The following CSGALNACT1 variants were observed in gnomAD, a reference collection of about 807,000 sequenced individuals.
CSGALNACT1 encodes the protein chondroitin sulfate N-acetylgalactosaminyltransferase 1, also known as beta4GalNAcT-1.
A neutral mutation model predicts 51.0 loss-of-function variants in CSGALNACT1; 52 were observed. The observed-to-expected ratio is 1.02, with a 90% confidence interval of 0.82 to 1.29. The LOEUF (loss-of-function observed/expected upper bound fraction) is 1.29, where lower values mean the gene tolerates loss of function less well. CSGALNACT1 is among the 50% of genes most tolerant of loss of function. CSGALNACT1 has a pLI of 0.00. For missense variants in CSGALNACT1, 935 were observed against 679.2 expected (o/e 1.38, Z -4.19); for synonymous variants, 341 against 254.4 (o/e 1.34, Z -3.24).
At chr8:19,711,508 A>G (rs915776913) in intron 1 of CSGALNACT1, among the ~76,000 whole-genome samples, 1 of 152,244 alleles carries the variant, frequency 6.6e-6, no homozygotes, top group Non-Finnish European at 1.5e-5. Flanking sequence ...AACATGGCAA[A>G]TAAAGCAAAC....
chr8:19,531,566 G>C (rs2082768264), intron 3 of CSGALNACT1, among the ~76,000 whole-genome samples: 1 of 152,142 alleles, frequency 6.6e-6, no homozygotes, highest in Non-Finnish European at 1.5e-5. Context: ...AAGTAACCTT[G>C]GCAAATCACT....
At chr8:19,514,506 T>TATATATATATATAC (rs2079117012) in intron 3 of CSGALNACT1, among the ~76,000 whole-genome samples, 2 of 138,342 alleles carry the variant, frequency 1.4e-5, no homozygotes, top group South Asian at 4.5e-4. Flanking sequence ...TATATATATA[T>TATATATATATATAC]ATATACATGT....
chr8:19,637,401 T>C (rs2056215759), intron 1 of CSGALNACT1, among the ~76,000 whole-genome samples: 1 of 152,230 alleles, frequency 6.6e-6, no homozygotes, highest in African/African-American at 2.4e-5. Flanking sequence ...GGAAGATTTT[T>C]ATTTTACTGT....
chr8:19,483,520 T>C (rs2072025773), intron 4 of CSGALNACT1, among the ~76,000 whole-genome samples: 1 of 152,236 alleles, frequency 6.6e-6, no homozygotes, highest in Non-Finnish European at 1.5e-5. Context: ...ATCCCCAGTC[T>C]ACTTTTGCTC....
upstream of CSGALNACT1, among the ~76,000 whole-genome samples, chr8:19,603,243 A>C (rs149299219): frequency 6.6e-6 from 1 of 152,178 alleles, no homozygotes. Context: ...GATGGCCTCC[A>C]AACACCTCTC....
intron 1 of CSGALNACT1, among the ~76,000 whole-genome samples, chr8:19,647,426 T>C (rs1185643475): frequency 6.6e-6 from 1 of 152,126 alleles, no homozygotes; most frequent in Non-Finnish European, 1.5e-5. Flanking sequence ...CAAAAAATAT[T>C]TAAGCAAATA....
chr8:19,489,815 T>G (rs2073952449), intron 4 of CSGALNACT1, among the ~76,000 whole-genome samples: 1 of 152,186 alleles, frequency 6.6e-6, no homozygotes, highest in Non-Finnish European at 1.5e-5. Context: ...AAATCTCTCC[T>G]TCAACTTTCT....
intron 3 of CSGALNACT1, among the ~76,000 whole-genome samples, chr8:19,517,647 G>A (rs1341927967): frequency 1.3e-5 from 2 of 152,076 alleles, no homozygotes; most frequent in African/African-American, 2.4e-5. Context: ...ATGGCAGAAG[G>A]GGAACAGTTC....
At position 19,505,569 on chromosome 8, in the gene CSGALNACT1, C is replaced by G. The variant is rs910630650; in HGVS notation, c.266G>C (p.Arg89Thr). 6 of 1,614,002 alleles carry G rather than the reference C, an allele frequency of 3.7e-6. No homozygotes were observed. The African/African-American group carries it at 6.7e-5, about 18-fold the overall frequency. The stretch of plus-strand genomic sequence containing the variant: ...CTGCCCATTCCTGAGCTGCTCACTC[C>G]TCTCCTGCAGCTCCTCCTTGAGCTG... Residue 89 changes from arginine to threonine, a missense_variant, in exon 4 of 10, where the codon AGG (arginine) becomes ACG (threonine). Physicochemically the swap from Arg to Thr is moderately conservative, Grantham distance 71 (BLOSUM62 -1). Coordinates refer to ENST00000454498, the Ensembl canonical transcript of CSGALNACT1.
At position 19,693,612 on chromosome 8, in the gene CSGALNACT1, T is replaced by C. The variant is rs558581747; in HGVS notation, c.-297+64238A>G. On this transcript the variant is annotated intron_variant, in intron 1 of 1. Transcript: ENST00000517494. ...ACTCAGCTCCCTATCCAAGATTTTC[T>C]CTGGACCTGTCTACAGGGAGCCCCT... Among the ~76,000 whole-genome samples the C allele has an allele frequency of 3.3e-5, 5 of 152,270 alleles. No homozygotes were observed. In the East Asian group the frequency reaches 9.7e-4, roughly 29 times the overall value.
chr8:19,465,811 G>A (rs183797401), intron 4 of CSGALNACT1, among the ~76,000 whole-genome samples: 1 of 152,038 alleles, frequency 6.6e-6, no homozygotes, highest in Non-Finnish European at 1.5e-5. Context: ...GATGTGATAC[G>A]CTTGTGTTAG....
intron 3 of CSGALNACT1, among the ~76,000 whole-genome samples, chr8:19,584,226 C>T (rs1048843696): frequency 6.6e-6 from 1 of 152,208 alleles, no homozygotes; most frequent in Non-Finnish European, 1.5e-5. Flanking sequence ...CCAGAGCTAA[C>T]ATTTGAGAAA....
chr8:19,408,739 C>G (rs763492588), intron 8 of CSGALNACT1, 45 bp from the exon 8 acceptor site: 9 of 1,569,522 alleles, frequency 5.7e-6, no homozygotes, highest in Middle Eastern at 1.7e-4. Flanking sequence ...TTAGGGTGGA[C>G]AAAAATAGAG....
chr8:19,457,184 T>C (rs1029874796), intron 5 of CSGALNACT1, among the ~76,000 whole-genome samples: 1 of 152,214 alleles, frequency 6.6e-6, no homozygotes, highest in Admixed American at 6.5e-5. Context: ...TTGATTCTAA[T>C]CTTCAAAAAA....
chr8:19,561,919 C>G (rs921507386), intron 3 of CSGALNACT1, among the ~76,000 whole-genome samples: 1 of 151,920 alleles, frequency 6.6e-6, no homozygotes. Context: ...ATTGCTATTT[C>G]AGCATGCGGC....
intron 1 of CSGALNACT1, among the ~76,000 whole-genome samples, chr8:19,756,764 T>C (rs2065411549): frequency 6.6e-6 from 1 of 151,980 alleles, no homozygotes; most frequent in Non-Finnish European, 1.5e-5. Context: ...GCCACAATAA[T>C]ACAATAACCG....
chr8:19,533,497 A>G (rs941270373), intron 3 of CSGALNACT1, among the ~76,000 whole-genome samples: 5 of 152,132 alleles, frequency 3.3e-5, no homozygotes, highest in African/African-American at 9.7e-5. Context: ...TCCAAGACTT[A>G]TCAATATCAA....
chr8:19,689,569 G>T (rs1168405858), intron 1 of CSGALNACT1, among the ~76,000 whole-genome samples: 1 of 152,092 alleles, frequency 6.6e-6, no homozygotes, highest in Non-Finnish European at 1.5e-5. Flanking sequence ...AAAAGATTCT[G>T]GCTTCTGCTT....
chr8:19,443,520 A>C (rs1374202558), intron 5 of CSGALNACT1, among the ~76,000 whole-genome samples: 2 of 152,174 alleles, frequency 1.3e-5, no homozygotes, highest in African/African-American at 4.8e-5. Context: ...GGCAGAAGGC[A>C]AAGGAGGATC....
Sources: allele counts gnomAD v4.1 joint callset (sites outside exome capture counted in the v4.1 genomes callset), GRCh38; gene constraint gnomAD v4.1.1; transcripts MANE v1.5; gene names NCBI Gene and HGNC (gene_info 2026-07-23, HGNC 2026-07-21).